The following NPAS3 variants were observed in gnomAD, a reference collection of about 807,000 sequenced individuals.
NPAS3 encodes neuronal PAS domain protein 3.
A neutral mutation model predicts 73.1 loss-of-function variants in NPAS3; 14 were observed. That is an observed-to-expected ratio of 0.19 (90% confidence interval 0.13 to 0.30). The LOEUF is 0.30. Ranked by LOEUF, NPAS3 falls within the 10% of genes least tolerant of loss-of-function variation. NPAS3 has a pLI of 1.00. For synonymous variants in NPAS3, 620 were observed against 541.5 expected (o/e 1.14, Z -2.01); for missense variants, 1,096 against 1,250.0 (o/e 0.88, Z 1.86).
At chr14:33,084,674 A>G (rs1423798115) in intron 2 of NPAS3, among the ~76,000 whole-genome samples, 1 of 152,158 alleles carries the variant, frequency 6.6e-6, no homozygotes, top group Non-Finnish European at 1.5e-5. Flanking sequence ...GGAATATACA[A>G]GAGAGGAGGT....
intron 4 of NPAS3, among the ~76,000 whole-genome samples, chr14:33,549,011 A>T (rs1344545864): frequency 6.6e-6 from 1 of 152,230 alleles, no homozygotes; most frequent in African/African-American, 2.4e-5. Flanking sequence ...TTACAGGAGC[A>T]TATGTGAACA....
At chr14:33,079,609 CTTTTTTTTTT>C (rs34920021) in intron 2 of NPAS3, among the ~76,000 whole-genome samples, 4 of 56,046 alleles carry the variant, frequency 7.1e-5, no homozygotes, top group South Asian at 9.2e-4. Flanking sequence ...TGAGCCAGGC[CTTTTTTTTTT>C]TTTTTTTTTT....
At chr14:33,294,012 G>A (rs185666998) in intron 3 of NPAS3, among the ~76,000 whole-genome samples, 6 of 152,260 alleles carry the variant, frequency 3.9e-5, no homozygotes, top group Admixed American at 2.0e-4. Flanking sequence ...AAGAGGAAGT[G>A]CACACAAATA....
intron 5 of NPAS3, among the ~76,000 whole-genome samples, chr14:33,637,958 T>C (rs1221302776): frequency 2.0e-5 from 3 of 152,206 alleles, no homozygotes; most frequent in Admixed American, 6.5e-5. Context: ...CCTCATGCCA[T>C]GTGTCTCCTA....
chr14:33,294,931 C>T (rs1054697024), intron 3 of NPAS3, among the ~76,000 whole-genome samples: 8 of 152,094 alleles, frequency 5.3e-5, no homozygotes, highest in South Asian at 2.1e-4. Flanking sequence ...GATCTTTTAG[C>T]GTCTTGCCTT....
At chr14:33,670,950 G>A (rs558723819) in intron 5 of NPAS3, among the ~76,000 whole-genome samples, 1 of 143,876 alleles carries the variant, frequency 7.0e-6, no homozygotes, top group East Asian at 2.3e-4. Context: ...CCTTACAAAA[G>A]CTTTATGACA....
intron 1 of NPAS3, among the ~76,000 whole-genome samples, chr14:32,951,989 T>A (rs2036501614): frequency 6.6e-6 from 1 of 152,042 alleles, no homozygotes; most frequent in Non-Finnish European, 1.5e-5. Flanking sequence ...ATCACTTATT[T>A]ATGGTTTCTG....
chr14:33,112,629 T>C (rs2042933255), intron 2 of NPAS3, among the ~76,000 whole-genome samples: 1 of 152,240 alleles, frequency 6.6e-6, no homozygotes, highest in Admixed American at 6.5e-5. Flanking sequence ...CTGTTCACTC[T>C]GATGGTAGTT....
At position 33,116,080 on chromosome 14, in the gene NPAS3, A is replaced by G. The variant is rs192582199; in HGVS notation, c.140+60086A>G. 4.1e-3 allele frequency among the ~76,000 whole-genome samples: 624 copies of G among 152,242 alleles called. 3 individuals are homozygous for G. The highest frequency in any genetic ancestry group is 6.7e-3 in the Non-Finnish European group (456 of 67,992). ...AAAAAAAGAAAAAAGAGTCAGCTTTAAAATCTGTTGTAAGCTACTTGGGTG... is the reference window on the plus strand; with the variant it reads ...AAAAAAAGAAAAAAGAGTCAGCTTTGAAATCTGTTGTAAGCTACTTGGGTG... On this transcript the variant is annotated intron_variant, in intron 2 of 11. Coordinates refer to ENST00000356141, the Ensembl canonical transcript of NPAS3.
At chr14:33,454,714 A>C (rs2049948908) in intron 4 of NPAS3, among the ~76,000 whole-genome samples, 1 of 152,156 alleles carries the variant, frequency 6.6e-6, no homozygotes, top group South Asian at 2.1e-4. Context: ...TCGGGAAATA[A>C]ACCGGGGAGT....
At chr14:33,703,344 A>G (rs925779351) in intron 6 of NPAS3, among the ~76,000 whole-genome samples, 14 of 151,946 alleles carry the variant, frequency 9.2e-5, no homozygotes, top group Admixed American at 9.2e-4. Context: ...TTTTGAAAAC[A>G]TTTTTCAGGC....
chr14:33,735,133 C>T, intron 6 of NPAS3, 81 bp from the exon 7 acceptor site: 1 of 931,942 alleles, frequency 1.1e-6, no homozygotes, highest in South Asian at 1.4e-5. Flanking sequence ...TTAGTGAACT[C>T]AAGGATTGCA....
intron 5 of NPAS3, among the ~76,000 whole-genome samples, chr14:33,624,887 G>T (rs1808901355): frequency 6.6e-6 from 1 of 152,220 alleles, no homozygotes; most frequent in South Asian, 2.1e-4. Context: ...TTACATGTGT[G>T]TGTGCACAGT....
rs1337637394 is a variant in NPAS3, at chr14:33,079,341, CAG to C, written c.140+23350_140+23351del. Among the ~76,000 whole-genome samples, 32 of 69,602 alleles carry C rather than the reference CAG, an allele frequency of 4.6e-4. 1 individual carries two copies. The Middle Eastern group carries it at 0.021, about 45-fold the overall frequency. 45.7% of individuals were successfully genotyped at this position (69,602 alleles called of 152,430 possible). A position where few individuals can be genotyped will look rare whatever the true frequency, so the allele number is the denominator to read the frequency against. On this transcript the variant is annotated intron_variant, in intron 2 of 11. Coordinates refer to ENST00000356141, the Ensembl canonical transcript of NPAS3. ...TTCTTTTTCCTTTTTTTTTTTGAGA[CAG>C]AGTCTTGCTCTGTCGCCCAGGCTGG... is the stretch of plus-strand genomic sequence containing the variant.
chr14:33,156,671 T>C (rs1355966005), intron 2 of NPAS3, among the ~76,000 whole-genome samples: 1 of 152,214 alleles, frequency 6.6e-6, no homozygotes, highest in African/African-American at 2.4e-5. Context: ...CCTTCCATGT[T>C]TTCTAGAAAG....
chr14:33,633,865 G>C (rs1175076561), intron 5 of NPAS3, among the ~76,000 whole-genome samples: 1 of 152,144 alleles, frequency 6.6e-6, no homozygotes, highest in African/African-American at 2.4e-5. Context: ...TGTAGTCCCA[G>C]CTCCTCTAAA....
intron 3 of NPAS3, among the ~76,000 whole-genome samples, chr14:33,290,765 A>G (rs911613398): frequency 6.6e-6 from 1 of 152,222 alleles, no homozygotes; most frequent in African/African-American, 2.4e-5. Context: ...GGTTTGCCAC[A>G]GAGCTCAGAG....
chr14:33,219,319 TTCAG>T (rs2139698891), intron 3 of NPAS3, among the ~76,000 whole-genome samples: 1 of 152,338 alleles, frequency 6.6e-6, no homozygotes, highest in South Asian at 2.1e-4. Context: ...TATCACAGAC[TTCAG>T]TCAATTTTAA....
chr14:33,022,336 A>C (rs768198907), intron 1 of NPAS3, among the ~76,000 whole-genome samples: 22 of 152,264 alleles, frequency 1.4e-4, no homozygotes, highest in Admixed American at 1.2e-3. Context: ...TTTCCATTAA[A>C]GTTGTTAGAA....
Sources: allele counts gnomAD v4.1 joint callset (sites outside exome capture counted in the v4.1 genomes callset), GRCh38; gene constraint gnomAD v4.1.1; transcripts MANE v1.5; gene names NCBI Gene and HGNC (gene_info 2026-07-23, HGNC 2026-07-21).